Variants in GRAP2 observed in about 807,000 individuals in gnomAD.
GRAP2 encodes the protein GRB2 related adaptor protein 2.
In GRAP2, 31 loss-of-function variants were observed where a neutral mutation model predicts 43.5. That is an observed-to-expected ratio of 0.71 (90% CI 0.54 to 0.96). The LOEUF (loss-of-function observed/expected upper bound fraction) is 0.96, where lower values mean the gene tolerates loss of function less well. Ranked by LOEUF, GRAP2 falls within the 40% of genes least tolerant of loss-of-function variation. GRAP2 has a pLI of 0.00. For synonymous variants in GRAP2, 156 were observed against 164.8 expected (o/e 0.95, Z 0.41); for missense variants, 371 against 424.4 (o/e 0.87, Z 1.11).
intron 1 of GRAP2, among the ~76,000 whole-genome samples, chr22:39,923,624 G>A (rs2066672616): frequency 6.6e-6 from 1 of 152,024 alleles, no homozygotes; most frequent in Non-Finnish European, 1.5e-5. Context: ...CCCAATTATC[G>A]AGTAAATGAT....
At chr22:39,935,774 AT>A (rs2066800685) in intron 1 of GRAP2, among the ~76,000 whole-genome samples, 1 of 152,192 alleles carries the variant, frequency 6.6e-6, no homozygotes, top group African/African-American at 2.4e-5. Context: ...TGACAGCAAG[AT>A]TAAAGTAATT....
chr22:39,926,571 T>C, intron 1 of GRAP2: 4 of 983,466 alleles, frequency 4.1e-6, no homozygotes, highest in Non-Finnish European at 4.8e-6. Context: ...TTTTTCTACA[T>C]GCTCTAGCTG....
intron 6 of GRAP2, chr22:39,968,630 A>G: frequency 6.2e-6 from 2 of 320,804 alleles, no homozygotes; most frequent in East Asian, 1.1e-4. Flanking sequence ...CAAGAGAAAA[A>G]GGCTTAATAC....
intron 1 of GRAP2, among the ~76,000 whole-genome samples, chr22:39,932,487 G>A (rs1379847698): frequency 2.1e-5 from 3 of 143,914 alleles, no homozygotes; most frequent in Admixed American, 1.5e-4. Context: ...GAGGCAGGAG[G>A]ATCACTTGAG....
intron 1 of GRAP2, among the ~76,000 whole-genome samples, chr22:39,936,353 T>TA (rs1222247645): frequency 6.6e-6 from 1 of 152,106 alleles, no homozygotes; most frequent in Non-Finnish European, 1.5e-5. Context: ...TAGGAAACAA[T>TA]AAGAATAAAA....
chr22:39,945,503 G>A (rs2066912378), intron 1 of GRAP2, among the ~76,000 whole-genome samples: 2 of 152,162 alleles, frequency 1.3e-5, no homozygotes, highest in Admixed American at 1.3e-4. Context: ...CCCACTGAGA[G>A]GACAAATGTG....
intron 2 of GRAP2, among the ~76,000 whole-genome samples, chr22:39,951,013 C>G (rs1017831975): frequency 6.6e-6 from 1 of 152,248 alleles, no homozygotes; most frequent in African/African-American, 2.4e-5. Flanking sequence ...ACAAAAAAGT[C>G]TGAGCAGCCA....
intron 1 of GRAP2, among the ~76,000 whole-genome samples, chr22:39,938,606 AG>A (rs964790702): frequency 2.0e-5 from 3 of 152,256 alleles, no homozygotes; most frequent in African/African-American, 7.2e-5. Flanking sequence ...CCCTCACAGA[AG>A]GTGACTGTGG....
At chr22:39,955,713 A>C in intron 2 of GRAP2, 106 bp from the exon 3 acceptor site, 3 of 639,400 alleles carry the variant, frequency 4.7e-6, no homozygotes, top group Non-Finnish European at 8.7e-6. Context: ...TTATTAACAT[A>C]TTTTCCTCTA....
chr22:39,937,434 G>A (rs2066817617), intron 1 of GRAP2, among the ~76,000 whole-genome samples: 1 of 152,160 alleles, frequency 6.6e-6, no homozygotes, highest in Non-Finnish European at 1.5e-5. Flanking sequence ...TGATAACACT[G>A]CAGCTAGGAC....
intron 6 of GRAP2, 117 bp downstream of exon 6, chr22:39,968,389 CCCAAA>C (rs2067198380): frequency 8.1e-7 from 1 of 1,234,210 alleles, no homozygotes; most frequent in Non-Finnish European, 1.1e-6. Context: ...CCTGGACCCC[CCCAAA>C]TGGCAGAAAT....
At chr22:39,901,560 C>T (rs1569188759) in intron 1 of GRAP2, among the ~76,000 whole-genome samples, 1 of 152,130 alleles carries the variant, frequency 6.6e-6, no homozygotes, top group Non-Finnish European at 1.5e-5. Context: ...TTACCCAGTC[C>T]ATAACACAAA....
intron 3 of GRAP2, 147 bp downstream of exon 3, chr22:39,956,057 C>G: frequency 1.7e-6 from 1 of 583,322 alleles, no homozygotes; most frequent in Non-Finnish European, 3.2e-6. Flanking sequence ...CCAGAGCATG[C>G]AGCTGAAGGC....
chr22:39,895,236 G>C, the GRAP2 span, among the ~76,000 whole-genome samples: 1 of 152,148 alleles, frequency 6.6e-6, no homozygotes, highest in East Asian at 1.9e-4. Context: ...AAAAGACAGA[G>C]GATAACAAAA....
chr22:39,931,517 A>G (rs906959792), intron 1 of GRAP2, among the ~76,000 whole-genome samples: 2 of 152,240 alleles, frequency 1.3e-5, no homozygotes, highest in African/African-American at 2.4e-5. Context: ...ATTATTTGTC[A>G]TCAGGACTAG....
chr22:39,955,750 C>G, intron 2 of GRAP2, 69 bp from the exon 3 acceptor site: 1 of 786,818 alleles, frequency 1.3e-6, no homozygotes, highest in East Asian at 2.5e-5. Context: ...CTTTGCCTGG[C>G]AGCCCCTTTC....
intron 1 of GRAP2, among the ~76,000 whole-genome samples, chr22:39,937,782 C>T (rs546675271): frequency 6.6e-6 from 1 of 152,130 alleles, no homozygotes; most frequent in Non-Finnish European, 1.5e-5. Context: ...GAGTTTGAAG[C>T]CAGGTCTGAC....
intron 1 of GRAP2, chr22:39,926,692 G>C (rs998029697): frequency 1.0e-6 from 1 of 985,354 alleles, no homozygotes; most frequent in Non-Finnish European, 1.2e-6. Flanking sequence ...TGCCATGCAT[G>C]AGTCGGGGGA....
chr22:39,959,698 G>A (rs1179319958), intron 3 of GRAP2, among the ~76,000 whole-genome samples: 3 of 152,060 alleles, frequency 2.0e-5, no homozygotes, highest in Admixed American at 1.3e-4. Context: ...CTCTGTCCTC[G>A]CAGCTCTGGT....
Sources: gnomAD v4.1 joint callset for allele counts (sites outside exome capture counted in the v4.1 genomes callset) on GRCh38, gnomAD v4.1.1 for gene constraint, MANE v1.5 for transcripts, NCBI Gene and HGNC (gene_info 2026-07-23, HGNC 2026-07-21) for gene names.